Variants in STK38L observed in about 807,000 individuals in gnomAD.
STK38L encodes serine/threonine kinase 38 like.
A neutral mutation model predicts 59.7 loss-of-function variants in STK38L; 28 were observed. That is an observed-to-expected ratio of 0.47 (90% CI 0.35 to 0.64). The LOEUF (loss-of-function observed/expected upper bound fraction) is 0.64. Among genes scored for constraint, STK38L ranks in the 30% least tolerant of loss-of-function variants. The probability of loss-of-function intolerance (pLI) is 0.01; values close to 1 mark genes in which losing one functional copy is unlikely to be tolerated. For synonymous variants in STK38L, 162 were observed against 176.8 expected (o/e 0.92, Z 0.66); for missense variants, 314 against 555.8 (o/e 0.56, Z 4.37).
chr12:27,320,780 ATT>A (rs71437393), intron 12 of STK38L, among the ~76,000 whole-genome samples: 28 of 129,984 alleles, frequency 2.2e-4, no homozygotes, highest in Non-Finnish European at 1.8e-4. Flanking sequence ...GCAGCTAGTA[ATT>A]TTTTTTTTTT....
intron 1 of STK38L, among the ~76,000 whole-genome samples, chr12:27,250,254 C>CGGTTATTGCTATTCTGCTTTTATGAATAT (rs1942943129): frequency 1.3e-5 from 2 of 152,080 alleles, no homozygotes; most frequent in African/African-American, 4.8e-5. Context: ...TTTATGAATA[C>CGGTTATTGCTATTCTGCTTTTATGAATAT]GGTTATTGCT....
At chr12:27,253,209 C>A (rs932635397) in intron 1 of STK38L, among the ~76,000 whole-genome samples, 2 of 152,012 alleles carry the variant, frequency 1.3e-5, no homozygotes, top group African/African-American at 4.8e-5. Context: ...TGGATTTGAA[C>A]CCTTTGAACT....
In STK38L at chr12:27,252,126, C is replaced by A. The variant is rs552395943; in HGVS notation, c.-12+7794C>A. Among the ~76,000 whole-genome samples the A allele has an allele frequency of 2.0e-5, 3 of 152,244 alleles. No homozygotes were observed. In the East Asian group the frequency reaches 5.8e-4, roughly 29 times the overall value. ...TCCCGAGTAGCTGGGACTACAGGTG[C>A]CTGCCACCACACCTGGCTAATTTTT... is the stretch of plus-strand genomic sequence containing the variant. On this transcript the variant is annotated intron_variant, in intron 1 of 13. Transcript: ENST00000389032.
intron 1 of STK38L, among the ~76,000 whole-genome samples, chr12:27,269,297 A>AT: frequency 6.6e-6 from 1 of 152,304 alleles, no homozygotes; most frequent in African/African-American, 2.4e-5. Flanking sequence ...TAATTTTTGT[A>AT]TAAGGTGTAA....
chr12:27,301,792 T>C (rs1196740926), intron 2 of STK38L, among the ~76,000 whole-genome samples: 1 of 152,178 alleles, frequency 6.6e-6, no homozygotes. Flanking sequence ...TTTTTATATT[T>C]CTAATATAAG....
intron 1 of STK38L, among the ~76,000 whole-genome samples, chr12:27,294,780 G>A (rs1187345016): frequency 1.3e-5 from 2 of 149,260 alleles, no homozygotes; most frequent in Admixed American, 1.3e-4. Flanking sequence ...TGGTTCAATC[G>A]CAGCTCATTG....
Position 27,325,462 on chromosome 12 carries a change from GCTAT to G in STK38L, c.*3010_*3013del, listed in dbSNP as rs1944819150. On this transcript the variant is annotated 3_prime_UTR_variant, in exon 14 of 14. Transcript: ENST00000389032. Reference sequence around the variant, plus strand: ...TCAGTCTTTACTGACAGGAGCAGCAGCTATCTGTCTTTTGCTGATCTACAAATAA... The same window carrying G: ...TCAGTCTTTACTGACAGGAGCAGCAGCTGTCTTTTGCTGATCTACAAATAA... 1 of 152,132 alleles carries G rather than the reference GCTAT, an allele frequency of 6.6e-6. No individual in the cohort carries two copies. The highest frequency in any genetic ancestry group is 2.1e-4 in the South Asian group (1 of 4,834). The allele number at this position is 152,132 out of a possible 1,614,324, so 9.4% of individuals were successfully genotyped here. A position where few individuals can be genotyped will look rare whatever the true frequency, so the allele number is the denominator to read the frequency against.
In STK38L at chr12:27,312,661, T is replaced by G. The variant is rs1471240770; in HGVS notation, c.506T>G (p.Phe169Cys). ...DKRNLYLIME[F>C]LPGGDMMTLL... The stretch of plus-strand genomic sequence containing the variant: ...AGGAATCTTTATCTAATCATGGAAT[T>G]TCTCCCTGGAGGTAAAAGCAAACAT... The change falls in exon 6 of 14, where the codon TTT becomes TGT. Residue 169 changes from phenylalanine to cysteine, a missense_variant. Phe to Cys is a radical substitution (Grantham distance 205, BLOSUM62 -2). Coordinates refer to ENST00000389032, the MANE Select transcript of STK38L (RefSeq NM_015000.4). 1.2e-6 allele frequency: 2 copies of G among 1,613,990 alleles called. No individual in the cohort carries two copies.
rs190987424 is a variant in STK38L at position 27,267,405 on chromosome 12, A to T, written c.-12+23073A>T. ...AGACCAGCTTGTTCAATAAAGGAAG[A>T]CCTCATCTCTAACAACAACCACAAC... On this transcript the variant is annotated intron_variant, in intron 1 of 13. Coordinates refer to ENST00000389032, the MANE Select transcript of STK38L (RefSeq NM_015000.4). Among the ~76,000 whole-genome samples, 267 of 152,244 alleles carry T rather than the reference A, an allele frequency of 1.8e-3. 2 individuals carry two copies. The highest frequency in any genetic ancestry group is 8.1e-3 in the South Asian group (39 of 4,828).
At chr12:27,312,940 ATGT>A (rs1944489898) in intron 6 of STK38L, among the ~76,000 whole-genome samples, 1 of 152,190 alleles carries the variant, frequency 6.6e-6, no homozygotes, top group African/African-American at 2.4e-5. Context: ...AGTTTATTTT[ATGT>A]TGTTACAAAA....
intron 1 of STK38L, among the ~76,000 whole-genome samples, chr12:27,260,258 T>G (rs539763059): frequency 1.3e-5 from 2 of 152,362 alleles, no homozygotes; most frequent in Non-Finnish European, 2.9e-5. Flanking sequence ...TATGGAACAT[T>G]TCCCTTGTTA....
Position 27,297,621 on chromosome 12 carries a change from T to C in STK38L, c.-11-89T>C. On this transcript the variant is annotated intron_variant, in intron 1 of 13. Coordinates refer to ENST00000389032, the MANE Select transcript of STK38L (RefSeq NM_015000.4). ...GTTAACTGTTAGGGTCGAATTTTTC[T>C]TAGTTGAAATTGAACATTTTCAGAG... 3 of 1,383,290 alleles carry C rather than the reference T, an allele frequency of 2.2e-6. 1 individual carries two copies. In the South Asian group the frequency reaches 4.6e-5, roughly 21 times the overall value. 85.7% of individuals were successfully genotyped at this position (1,383,290 alleles called of 1,614,324 possible).
chr12:27,303,230 T>C (rs1175816341), intron 3 of STK38L, among the ~76,000 whole-genome samples: 2 of 151,902 alleles, frequency 1.3e-5, no homozygotes, highest in Non-Finnish European at 2.9e-5. Context: ...GAATCTTTAG[T>C]AGCTGGGCAT....
chr12:27,314,681 T>G (rs1378812865), intron 7 of STK38L, 23 bp downstream of exon 7: 1 of 1,564,150 alleles, frequency 6.4e-7, no homozygotes, highest in Admixed American at 2.0e-5. Flanking sequence ...ACTGGTGAAT[T>G]ACTAGGCTGT....
intron 1 of STK38L, among the ~76,000 whole-genome samples, chr12:27,259,693 G>A (rs2029093): frequency 0.76 from 114,771 of 152,000 alleles, 44,045 homozygotes; most frequent in African/African-American, 0.8. Context: ...CTTAACCAAC[G>A]TACTCAGCCT....
intron 1 of STK38L, among the ~76,000 whole-genome samples, chr12:27,250,856 G>A (rs578004427): frequency 5.3e-5 from 8 of 151,882 alleles, no homozygotes; most frequent in South Asian, 2.1e-4. Context: ...AAAAATAGCC[G>A]GGCGTGGTGG....
chr12:27,259,954 A>G (rs1176797484), intron 1 of STK38L, among the ~76,000 whole-genome samples: 1 of 152,156 alleles, frequency 6.6e-6, no homozygotes, highest in Admixed American at 6.5e-5. Context: ...ATTTTCTGTC[A>G]TTAATATCCT....
At position 27,322,001 on chromosome 12, in the gene STK38L, TTAAC is replaced by T. The variant is rs530965768; in HGVS notation, c.1176-138_1176-135del. On this transcript the variant is annotated intron_variant, in intron 12 of 13. Coordinates refer to ENST00000389032, the MANE Select transcript of STK38L (RefSeq NM_015000.4). ...TATACTCAACTATTTTGAACTCCCT[TTAAC>T]TAATCTCAAATCCACAATAAATTTC... 1.4e-3 allele frequency: 905 copies of T among 651,764 alleles called. 9 individuals carry two copies. The highest frequency in any genetic ancestry group is 1.7e-4 in the Non-Finnish European group (68 of 398,178). 40.4% of individuals were successfully genotyped at this position (651,764 alleles called of 1,614,324 possible). A position where few individuals can be genotyped will look rare whatever the true frequency, so the allele number is the denominator to read the frequency against.
intron 1 of STK38L, among the ~76,000 whole-genome samples, chr12:27,275,190 T>C (rs1943506874): frequency 6.6e-6 from 1 of 152,158 alleles, no homozygotes; most frequent in African/African-American, 2.4e-5. Flanking sequence ...CCACTTTTTC[T>C]CTCGCCCCTT....
Sources: allele counts gnomAD v4.1 joint callset (sites outside exome capture counted in the v4.1 genomes callset), GRCh38; gene constraint gnomAD v4.1.1; transcripts MANE v1.5; gene names NCBI Gene and HGNC (gene_info 2026-07-23, HGNC 2026-07-21).